Variants in TMTC3 observed in about 807,000 individuals in gnomAD.
The protein encoded by TMTC3 is protein O-mannosyl-transferase TMTC3.
Under a neutral mutation model 92.2 loss-of-function variants are expected in TMTC3, and 52 were observed. The observed-to-expected ratio is 0.56, with a 90% CI of 0.45 to 0.71. The LOEUF (loss-of-function observed/expected upper bound fraction) is 0.71. Ranked by LOEUF, TMTC3 falls within the 30% of genes least tolerant of loss-of-function variation. The pLI is 0.00. For synonymous variants in TMTC3, 339 were observed against 363.3 expected (o/e 0.93, Z 0.76); for missense variants, 896 against 1,057.1 (o/e 0.85, Z 2.11).
At chr12:88,175,289 A>C (rs971993694) in intron 9 of TMTC3, among the ~76,000 whole-genome samples, 1 of 152,190 alleles carries the variant, frequency 6.6e-6, no homozygotes, top group Admixed American at 6.5e-5. Context: ...GGACATTATA[A>C]ATCGGAAAAA....
chr12:88,145,798 GCTGT>G (rs2040866146), intron 1 of TMTC3, among the ~76,000 whole-genome samples: 1 of 152,184 alleles, frequency 6.6e-6, no homozygotes, highest in Non-Finnish European at 1.5e-5. Flanking sequence ...TTGATGTGTA[GCTGT>G]CTGCTAAGAA....
At chr12:88,168,690 G>T (rs781782551) in intron 7 of TMTC3, among the ~76,000 whole-genome samples, 2 of 152,134 alleles carry the variant, frequency 1.3e-5, no homozygotes, top group Non-Finnish European at 2.9e-5. Flanking sequence ...TAGTTAAGTG[G>T]GCTACTTGAT....
rs769386887 is a variant in TMTC3, at chr12:88,192,572, G to GT, written c.1707-31dup. ...ATCTACAAACTGAGATGGTAATGTTGTAAGTAAAGCTTGTGTTTGATTTTT... is the reference window on the plus strand; with the variant it reads ...ATCTACAAACTGAGATGGTAATGTTGTTAAGTAAAGCTTGTGTTTGATTTTT... On this transcript the variant is annotated intron_variant, in intron 12 of 13. Coordinates refer to ENST00000266712, the MANE Select transcript of TMTC3 (RefSeq NM_181783.4). The GT allele has an allele frequency of 2.6e-6, 4 of 1,524,886 alleles. No individual in the cohort carries two copies. In the Admixed American group the frequency reaches 5.1e-5, roughly 19 times the overall value. 94.5% of individuals were successfully genotyped at this position (1,524,886 alleles called of 1,614,324 possible).
At chr12:88,156,766 A>G (rs774849367) in intron 4 of TMTC3, among the ~76,000 whole-genome samples, 1 of 149,638 alleles carries the variant, frequency 6.7e-6, no homozygotes, top group Non-Finnish European at 1.5e-5. Flanking sequence ...AGAACCACAC[A>G]TGCTTAAAAT....
intron 6 of TMTC3, among the ~76,000 whole-genome samples, chr12:88,164,189 CAAAA>C (rs1008391943): frequency 1.2e-4 from 6 of 48,796 alleles, no homozygotes; most frequent in Admixed American, 1.9e-4. Context: ...GACTTTGTCT[CAAAA>C]AAAAAAAAAA....
At position 88,195,494 on chromosome 12, in the gene TMTC3, A is replaced by G. The variant is rs1228596674; in HGVS notation, c.2590A>G (p.Asn864Asp). Residue 864 changes from asparagine (N) to aspartate (D), a missense_variant, in exon 14 of 14, where the codon AAT becomes GAT. Transcript: ENST00000266712. ...AACACAAATAGTAAAAACAAGTGAT[A>G]ATAAAAGTCAGTCTAAATCCAACAA... ...RQTQIVKTSDNKSQSKSNKQL... is the reference protein window; with the variant it reads ...RQTQIVKTSDDKSQSKSNKQL... 1.9e-6 allele frequency: 3 copies of G among 1,613,232 alleles called. No homozygotes were observed. The highest frequency in any genetic ancestry group is 1.3e-5 in the African/African-American group (1 of 74,946).
rs1225750237 is a variant in TMTC3, at chr12:88,195,846, G to C, written c.*197G>C. On this transcript the variant is annotated 3_prime_UTR_variant, in exon 14 of 14. Coordinates refer to ENST00000266712, the MANE Select transcript of TMTC3 (RefSeq NM_181783.4). ...TATATTATGTATCGCTGTTTTCAGA[G>C]TGTGGGTGAATATAGCAGAAATATT... The C allele has an allele frequency of 2.4e-6, 1 of 416,576 alleles. No homozygotes were observed. Among genetic ancestry groups the C allele is most frequent in the Non-Finnish European group, 4.2e-6 (1 of 237,618 alleles). The allele number at this position is 416,576 out of a possible 1,614,324, so 25.8% of individuals were successfully genotyped here. A position where few individuals can be genotyped will look rare whatever the true frequency, so the allele number is the denominator to read the frequency against.
intron 10 of TMTC3, among the ~76,000 whole-genome samples, chr12:88,182,570 AAGG>A (rs1424719315): frequency 2.1e-4 from 32 of 152,144 alleles, no homozygotes. Context: ...AGATATTTTC[AAGG>A]AGAAGACAAT....
intron 1 of TMTC3, among the ~76,000 whole-genome samples, chr12:88,147,758 C>G (rs992624166): frequency 1.3e-5 from 2 of 149,406 alleles, no homozygotes. Flanking sequence ...TTTCTAACAG[C>G]ATTTTGGGTG....
At chr12:88,189,711 G>T (rs896659223) in intron 11 of TMTC3, among the ~76,000 whole-genome samples, 1 of 151,986 alleles carries the variant, frequency 6.6e-6, no homozygotes, top group South Asian at 2.1e-4. Context: ...AATATTTCTG[G>T]GTTGTGACCG....
intron 10 of TMTC3, among the ~76,000 whole-genome samples, chr12:88,177,244 G>A (rs2041269546): frequency 6.6e-6 from 1 of 151,552 alleles, no homozygotes; most frequent in Admixed American, 6.6e-5. Flanking sequence ...AAGAATCGCT[G>A]GAACCTGGGA....
In TMTC3 at chr12:88,199,603, C is replaced by CATAG. The variant is rs761145844; in HGVS notation, c.*3959_*3962dup. 5 of 152,052 alleles carry CATAG rather than the reference C, an allele frequency of 3.3e-5. No homozygotes were observed. The highest frequency in any genetic ancestry group is 7.4e-5 in the Non-Finnish European group (5 of 68,012). 9.4% of individuals were successfully genotyped at this position (152,052 alleles called of 1,614,324 possible). A position where few individuals can be genotyped will look rare whatever the true frequency, so the allele number is the denominator to read the frequency against. ...CCTTTGCTATCTATGCTAACAAGTACATAGATAGCCTAAGATAAATTATAC... is the reference window on the plus strand; with the variant it reads ...CCTTTGCTATCTATGCTAACAAGTACATAGATAGATAGCCTAAGATAAATTATAC... On this transcript the variant is annotated 3_prime_UTR_variant, in exon 14 of 14. Transcript: ENST00000266712.
intron 7 of TMTC3, among the ~76,000 whole-genome samples, chr12:88,170,037 C>G (rs1055960483): frequency 1.3e-5 from 2 of 152,016 alleles, no homozygotes; most frequent in African/African-American, 4.8e-5. Context: ...AGATTTGTCT[C>G]GAACTCTTTG....
At chr12:88,142,817 T>G (rs1270655556) in intron 1 of TMTC3, among the ~76,000 whole-genome samples, 2 of 152,158 alleles carry the variant, frequency 1.3e-5, no homozygotes. Flanking sequence ...TGTAGCACCA[T>G]TCCTTTCGCG....
chr12:88,164,524 C>T (rs1293687606), intron 6 of TMTC3, among the ~76,000 whole-genome samples: 2 of 152,058 alleles, frequency 1.3e-5, no homozygotes, highest in Non-Finnish European at 2.9e-5. Context: ...AAAAATTATA[C>T]CTCTTATACA....
At chr12:88,193,403 A>G (rs1027091256) in intron 13 of TMTC3, among the ~76,000 whole-genome samples, 39 of 152,100 alleles carry the variant, frequency 2.6e-4, no homozygotes, top group Admixed American at 7.9e-4. Flanking sequence ...TAGGAATTTC[A>G]GTTCTGCCTC....
rs200827570 is a variant in TMTC3, at chr12:88,160,702, T to C, written c.648T>C (p.Thr216=). The C allele has an allele frequency of 1.9e-6, 3 of 1,613,460 alleles. No homozygotes were observed. The highest frequency in any genetic ancestry group is 2.2e-5 in the East Asian group (1 of 44,786). ...AGTATACTTTGCCATTACTATGTAC[T>C]ACTGCTGGACAGTTTCTCCGTGGAA... The part of the protein sequence containing the change: ...AQGYTLPLLC[T]TAGQFLRGKG... Residue 216 remains threonine, a synonymous_variant, in exon 6 of 14, where the codon ACT becomes ACC. Coordinates refer to ENST00000266712, the MANE Select transcript of TMTC3 (RefSeq NM_181783.4).
rs1381790639 is a variant in TMTC3, at chr12:88,153,282, TCC to T, written c.190-8_190-7del. 5.0e-6 allele frequency: 8 copies of T among 1,599,624 alleles called. No individual in the cohort carries two copies. The highest frequency in any genetic ancestry group is 3.4e-5 in the Admixed American group (2 of 58,378). ...ACTTTAATAATCACTGATCGTTTTT[TCC>T]TTGTAGGAGAGAAGCCACAAGTCTT... On this transcript the variant is annotated splice_polypyrimidine_tract_variant and splice_region_variant and intron_variant, in intron 2 of 13. Coordinates refer to ENST00000266712, the MANE Select transcript of TMTC3 (RefSeq NM_181783.4).
At chr12:88,157,522 G>A (rs1192513871) in intron 4 of TMTC3, among the ~76,000 whole-genome samples, 4 of 151,760 alleles carry the variant, frequency 2.6e-5, no homozygotes, top group Non-Finnish European at 5.9e-5. Flanking sequence ...ATCTTTCCCA[G>A]TGGTACTATT....
Sources: allele counts gnomAD v4.1 joint callset (sites outside exome capture counted in the v4.1 genomes callset), GRCh38; gene constraint gnomAD v4.1.1; transcripts MANE v1.5; gene names NCBI Gene and HGNC (gene_info 2026-07-23, HGNC 2026-07-21).